The following PTPRD variants were observed in gnomAD, a reference collection of about 807,000 sequenced individuals.
PTPRD encodes receptor-type tyrosine-protein phosphatase delta.
In PTPRD, 34 loss-of-function variants were observed where a neutral mutation model predicts 214.5. The observed-to-expected ratio is 0.16, with a 90% confidence interval of 0.12 to 0.21. The LOEUF (loss-of-function observed/expected upper bound fraction) is 0.21. Ranked by LOEUF, PTPRD falls within the 10% of genes least tolerant of loss-of-function variation. The probability of loss-of-function intolerance (pLI) is 1.00; values close to 1 mark genes in which losing one functional copy is unlikely to be tolerated. For synonymous variants in PTPRD, 1,128 were observed against 845.7 expected (o/e 1.33, Z -5.79); for missense variants, 2,545 against 2,398.7 (o/e 1.06, Z -1.27).
chr9:10,567,907 A>G (rs1221319702), intron 2 of PTPRD, among the ~76,000 whole-genome samples: 1 of 150,998 alleles, frequency 6.6e-6, no homozygotes, highest in Non-Finnish European at 1.5e-5. Flanking sequence ...TCTTAATAAT[A>G]TATCATTGTT....
intron 9 of PTPRD, among the ~76,000 whole-genome samples, chr9:9,330,303 G>T (rs1008766751): frequency 6.6e-6 from 1 of 151,980 alleles, no homozygotes; most frequent in African/African-American, 2.4e-5. Context: ...TTAAAAAAAA[G>T]TTAAATTTTA....
At chr9:9,416,165 T>C (rs931731457) in intron 8 of PTPRD, among the ~76,000 whole-genome samples, 7 of 152,190 alleles carry the variant, frequency 4.6e-5, no homozygotes, top group African/African-American at 1.2e-4. Flanking sequence ...CATTTCTAGA[T>C]GGCTGAATCA....
intron 7 of PTPRD, among the ~76,000 whole-genome samples, chr9:9,634,581 C>T (rs895243426): frequency 2.0e-5 from 3 of 151,982 alleles, no homozygotes; most frequent in Admixed American, 6.6e-5. Flanking sequence ...ATATCTTTAC[C>T]AGGTAAAATT....
At chr9:9,617,427 A>T (rs927041503) in intron 7 of PTPRD, among the ~76,000 whole-genome samples, 2 of 152,226 alleles carry the variant, frequency 1.3e-5, no homozygotes, top group Admixed American at 6.5e-5. Context: ...ATAAAGTGTC[A>T]TGAATGAACT....
intron 2 of PTPRD, among the ~76,000 whole-genome samples, chr9:10,441,976 G>C (rs1243317419): frequency 6.6e-6 from 1 of 151,414 alleles, no homozygotes; most frequent in Non-Finnish European, 1.5e-5. Context: ...AAAAACTGGA[G>C]AAAAAAGTTG....
At chr9:8,485,363 T>C (rs1000157597) in intron 28 of PTPRD, 39 bp from the exon 29 acceptor site, 1 of 1,430,844 alleles carries the variant, frequency 7.0e-7, no homozygotes, top group Admixed American at 1.7e-5. Context: ...AAACTATTCT[T>C]AAAACAGATG....
At chr9:9,127,142 A>G (rs1372275806) in intron 10 of PTPRD, among the ~76,000 whole-genome samples, 1 of 152,158 alleles carries the variant, frequency 6.6e-6, no homozygotes, top group African/African-American at 2.4e-5. Context: ...TCAGGCTGGG[A>G]CCATGTACAC....
At chr9:9,213,961 C>CT (rs869197995) in intron 9 of PTPRD, among the ~76,000 whole-genome samples, 5 of 141,598 alleles carry the variant, frequency 3.5e-5, no homozygotes, top group African/African-American at 1.1e-4. Flanking sequence ...TCTTCATCTT[C>CT]TTTTTTTTCT....
At chr9:10,198,991 G>C (rs1037425126) in intron 3 of PTPRD, among the ~76,000 whole-genome samples, 7 of 151,898 alleles carry the variant, frequency 4.6e-5, no homozygotes, top group East Asian at 1.9e-4. Context: ...GTTATGAGAA[G>C]ACAATCCCTT....
intron 9 of PTPRD, among the ~76,000 whole-genome samples, chr9:9,262,770 A>T (rs2099980705): frequency 6.6e-6 from 1 of 151,634 alleles, no homozygotes; most frequent in African/African-American, 2.4e-5. Context: ...TCAGTTTTCC[A>T]TATATGAATA....
intron 5 of PTPRD, among the ~76,000 whole-genome samples, chr9:9,877,054 C>T (rs952702865): frequency 2.0e-5 from 3 of 151,996 alleles, no homozygotes; most frequent in Non-Finnish European, 4.4e-5. Context: ...TTTTTGATGC[C>T]TGAATGCTAC....
chr9:8,498,898 A>G (rs1225237663), intron 25 of PTPRD, among the ~76,000 whole-genome samples: 1 of 152,174 alleles, frequency 6.6e-6, no homozygotes, highest in African/African-American at 2.4e-5. Flanking sequence ...AATTTATGAA[A>G]AATTTTGGAA....
chr9:8,398,427 C>T (rs2091705878), intron 36 of PTPRD, among the ~76,000 whole-genome samples: 1 of 152,036 alleles, frequency 6.6e-6, no homozygotes, highest in African/African-American at 2.4e-5. Flanking sequence ...CTTACTTTTA[C>T]TTATTAAAGA....
At chr9:9,005,794 T>C (rs903384121) in intron 11 of PTPRD, among the ~76,000 whole-genome samples, 9 of 152,006 alleles carry the variant, frequency 5.9e-5, no homozygotes, top group Admixed American at 2.6e-4. Flanking sequence ...AGATTTCTTA[T>C]CATAATTGGG....
At chr9:9,662,479 A>G (rs543561352) in intron 7 of PTPRD, among the ~76,000 whole-genome samples, 370 of 151,824 alleles carry the variant, frequency 2.4e-3, no homozygotes, top group African/African-American at 8.4e-3. Context: ...AGAGAAAACC[A>G]TCAGCAAGGA....
chr9:9,406,870 G>A lies in PTPRD; in HGVS notation c.-236-9388C>T, dbSNP rs1587501375. ...TTCTTTTTTTTTTTGAGATGAATGT[G>A]TCTTCCGTAGAAAAGGCATTTTTTT... is the stretch of plus-strand genomic sequence containing the variant. On this transcript the variant is annotated intron_variant, in intron 8 of 45. Coordinates refer to ENST00000381196, the MANE Select transcript of PTPRD (RefSeq NM_002839.4). Among the ~76,000 whole-genome samples the A allele has an allele frequency of 3.4e-5, 5 of 145,650 alleles. No individual in the cohort carries two copies. The Admixed American group carries it at 3.5e-4, about 10-fold the overall frequency.
intron 7 of PTPRD, among the ~76,000 whole-genome samples, chr9:9,620,271 C>T (rs1324488064): frequency 1.3e-5 from 2 of 152,104 alleles, no homozygotes; most frequent in African/African-American, 2.4e-5. Context: ...GATACCGATA[C>T]CTACATTTAT....
intron 4 of PTPRD, among the ~76,000 whole-genome samples, chr9:9,949,116 G>C (rs937670339): frequency 1.3e-5 from 2 of 151,984 alleles, no homozygotes; most frequent in African/African-American, 4.8e-5. Context: ...ATAAGGGGAA[G>C]AGATGGAAGC....
At chr9:8,774,176 A>G (rs1283585566) in intron 11 of PTPRD, among the ~76,000 whole-genome samples, 1 of 152,232 alleles carries the variant, frequency 6.6e-6, no homozygotes, top group African/African-American at 2.4e-5. Flanking sequence ...TGGGGTGCAC[A>G]GGATAAATAT....
Sources: gnomAD v4.1 joint callset for allele counts (sites outside exome capture counted in the v4.1 genomes callset) on GRCh38, gnomAD v4.1.1 for gene constraint, MANE v1.5 for transcripts, NCBI Gene and HGNC (gene_info 2026-07-23, HGNC 2026-07-21) for gene names.